Variants in RNF123 observed in about 807,000 individuals in gnomAD.
RNF123 encodes the protein ring finger protein 123.
Under a neutral mutation model 168.5 loss-of-function variants are expected in RNF123, and 86 were observed. The ratio of observed to expected loss-of-function variants is 0.51; its 90% CI spans 0.43 to 0.61. The LOEUF (loss-of-function observed/expected upper bound fraction) is 0.61, where lower values mean the gene tolerates loss of function less well. RNF123 is among the 20% of genes least tolerant of loss of function. The probability of loss-of-function intolerance (pLI) is 0.00; values close to 1 mark genes in which losing one functional copy is unlikely to be tolerated. For synonymous variants in RNF123, 666 were observed against 689.1 expected (o/e 0.97, Z 0.52); for missense variants, 1,419 against 1,729.7 (o/e 0.82, Z 3.19).
In RNF123 at chr3:49,721,009, C is replaced by T; in HGVS notation, c.3739-11C>T. 6.2e-7 allele frequency: 1 copy of T among 1,610,240 alleles called. No homozygotes were observed. The highest frequency in any genetic ancestry group is 8.5e-7 in the Non-Finnish European group (1 of 1,177,248). On this transcript the variant is annotated splice_polypyrimidine_tract_variant and intron_variant, in intron 37 of 38. Transcript: ENST00000327697. ...CCAACTCCAGCCCACCCTTCACTCT[C>T]CTCCCTGCAGCCCACCAGTGAGGAG...
In RNF123 at chr3:49,715,592, C is replaced by T; in HGVS notation, c.3028C>T (p.Leu1010=). ...PSLQKPCPST[L]LQQHMADLLQ... The stretch of plus-strand genomic sequence containing the variant: ...CCCTGCAGAGCCCTGCCCTTCCACC[C>T]TGCTGCAGCAGCACATGGCGGACCT... The change falls in exon 32 of 39, where the codon CTG becomes TTG. Residue 1010 remains leucine, a synonymous_variant. Transcript: ENST00000327697. The T allele has an allele frequency of 2.5e-6, 4 of 1,614,042 alleles. No individual in the cohort carries two copies. Among genetic ancestry groups the T allele is most frequent in the Non-Finnish European group, 3.4e-6 (4 of 1,179,940 alleles).
chr3:49,721,346 C>G lies in RNF123; in HGVS notation c.*41C>G, dbSNP rs758714142. On this transcript the variant is annotated 3_prime_UTR_variant, in exon 39 of 39. Coordinates refer to ENST00000327697, the MANE Select transcript of RNF123 (RefSeq NM_022064.5). The stretch of plus-strand genomic sequence containing the variant: ...CCATCCTGGAACCTCCACCTTTGAA[C>G]CCAGAGCCAGGCTGGGCCCTATTTA... 1 of 1,613,978 alleles carries G rather than the reference C, an allele frequency of 6.2e-7. No individual in the cohort carries two copies. The highest frequency in any genetic ancestry group is 1.1e-5 in the South Asian group (1 of 91,058).
intron 1 of RNF123, 51 bp from the exon 2 acceptor site, chr3:49,691,079 T>A (rs2054151355): frequency 1.7e-6 from 2 of 1,191,112 alleles, no homozygotes; most frequent in African/African-American, 3.0e-5. Flanking sequence ...TGAGGTCAGG[T>A]GTGGGGGCCC....
chr3:49,699,678 T>C lies in RNF123; in HGVS notation c.890T>C (p.Leu297Pro), dbSNP rs2108181749. Reference sequence around the variant, plus strand: ...TCCCCCTCCACACAGGAGGGGCGGCTGTTGGACAAGGAGAGCTCCAAGTGG... The same window carrying C: ...TCCCCCTCCACACAGGAGGGGCGGCCGTTGGACAAGGAGAGCTCCAAGTGG... The part of the protein sequence containing the change: ...SVELDPVEGR[L>P]LDKESSKWRL... Residue 297 changes from leucine (L) to proline (P), a missense_variant, in exon 12 of 39, where the codon CTG (leucine) becomes CCG (proline). Physicochemically the swap from Leu to Pro is moderately conservative, Grantham distance 98. This residue lies in a region of RNF123 where 318 missense variants were observed against 446.6 expected (regional missense o/e 0.71). Transcript: ENST00000327697. This position sits in a 1 kb window ranked among gnomAD's most constrained non-coding sequence, Gnocchi z 4.8. 1 of 1,613,818 alleles carries C rather than the reference T, an allele frequency of 6.2e-7. No individual in the cohort carries two copies. Among genetic ancestry groups the C allele is most frequent in the Non-Finnish European group, 8.5e-7 (1 of 1,179,962 alleles).
rs762105565 is a variant in RNF123, at chr3:49,700,251, G to A, written c.1009G>A (p.Val337Met). Residue 337 changes from valine (V) to methionine (M), a missense_variant, in exon 13 of 39, where the codon GTG (valine) becomes ATG (methionine). Val to Met is a conservative substitution (Grantham distance 21). Transcript: ENST00000327697. ...GCGCAAGGTGTATCTGGTGGAGGCT[G>A]TGCTCATGAGCTTCTTGCTGGGCAT... ...LLRKVYLVEA[V>M]LMSFLLGIVE... 4.2e-5 allele frequency: 67 copies of A among 1,614,098 alleles called. No homozygotes were observed. The highest frequency in any genetic ancestry group is 5.3e-5 in the Non-Finnish European group (62 of 1,180,044).
Position 49,715,836 on chromosome 3 carries a change from T to C in RNF123, c.3165T>C (p.Ala1055=). ...TGGTGGCTCAGATCCAGCAGGCTGC[T>C]GAGCGCCTGGAGCGGAACTTTGTGG... ...IGMIQEIQQA[A]ERLERNFVDS... The change falls in exon 33 of 39, where the codon GCT becomes GCC. Residue 1055 remains alanine (A), a synonymous_variant. Transcript: ENST00000327697. 6.2e-7 allele frequency: 1 copy of C among 1,614,116 alleles called. No individual in the cohort carries two copies. Among genetic ancestry groups the C allele is most frequent in the South Asian group, 1.1e-5 (1 of 91,084 alleles).
At position 49,699,058 on chromosome 3, in the gene RNF123, C is replaced by G. The variant is rs2054324199; in HGVS notation, c.717C>G (p.Leu239=). Reference sequence around the variant, plus strand: ...TGGCCTACTTCCCAGCCATCAGCCTCTCTTTCAAGGAGTCCGTGGCCTTCA... The same window carrying G: ...TGGCCTACTTCCCAGCCATCAGCCTGTCTTTCAAGGAGTCCGTGGCCTTCA... The part of the protein sequence containing the change: ...LGMAYFPAIS[L]SFKESVAFNF... Residue 239 remains leucine, a synonymous_variant, in exon 10 of 39, where the codon CTC becomes CTG. Coordinates refer to ENST00000327697, the MANE Select transcript of RNF123 (RefSeq NM_022064.5). This position sits in a 1 kb window ranked among gnomAD's most constrained non-coding sequence, Gnocchi z 4.8. 1 of 1,613,932 alleles carries G rather than the reference C, an allele frequency of 6.2e-7. No individual in the cohort carries two copies. The highest frequency in any genetic ancestry group is 8.5e-7 in the Non-Finnish European group (1 of 1,180,040).
chr3:49,697,116 C>T (rs758328933), intron 3 of RNF123, 27 bp from the exon 4 acceptor site: 6 of 1,591,102 alleles, frequency 3.8e-6, no homozygotes, highest in Non-Finnish European at 5.2e-6. Context: ...GACTTGTGGA[C>T]CCCTGGCAGC....
chr3:49,719,125 A>T, intron 35 of RNF123: 1 of 1,613,550 alleles, frequency 6.2e-7, no homozygotes, highest in Non-Finnish European at 8.5e-7. Flanking sequence ...TGATAGATCG[A>T]GCAGCCTCAG....
chr3:49,692,395 A>G (rs2054185007), intron 3 of RNF123, among the ~76,000 whole-genome samples: 1 of 152,188 alleles, frequency 6.6e-6, no homozygotes, highest in Non-Finnish European at 1.5e-5. Context: ...AGGGTACATG[A>G]GATACTTTGA....
At position 49,713,874 on chromosome 3, in the gene RNF123, A is replaced by AG. The variant is rs748323104; in HGVS notation, c.2838-35dup. Reference sequence around the variant, plus strand: ...CACCCTGGCCACAAGCACCATGCCCAGCCTCACCCCGTCTCTCCCCTCCTT... The same window carrying AG: ...CACCCTGGCCACAAGCACCATGCCCAGGCCTCACCCCGTCTCTCCCCTCCTT... On this transcript the variant is annotated intron_variant, in intron 29 of 38. Coordinates refer to ENST00000327697, the MANE Select transcript of RNF123 (RefSeq NM_022064.5). 4 of 1,613,118 alleles carry AG rather than the reference A, an allele frequency of 2.5e-6. No homozygotes were observed. In the African/African-American group the frequency reaches 4.0e-5, roughly 16 times the overall value.
intron 26 of RNF123, among the ~76,000 whole-genome samples, chr3:49,707,157 C>T (rs576895855): frequency 7.0e-4 from 107 of 152,262 alleles, no homozygotes; most frequent in African/African-American, 2.5e-3. Flanking sequence ...CTGTCTGCCT[C>T]CCCTGCTCCC....
At chr3:49,711,921 C>A (rs1435961049) in intron 26 of RNF123, among the ~76,000 whole-genome samples, 1 of 152,112 alleles carries the variant, frequency 6.6e-6, no homozygotes, top group Non-Finnish European at 1.5e-5. Context: ...CCTTCACACA[C>A]CTTGTACTCC....
intron 12 of RNF123, 160 bp from the exon 13 acceptor site, chr3:49,700,066 TG>T: frequency 2.0e-6 from 2 of 1,004,606 alleles, no homozygotes; most frequent in Non-Finnish European, 2.9e-6. Flanking sequence ...ATGGCCTTCT[TG>T]TCCCTCAGTC....
intron 27 of RNF123, 103 bp downstream of exon 27, chr3:49,712,759 G>T (rs752079112): frequency 2.3e-5 from 30 of 1,316,732 alleles, no homozygotes; most frequent in Non-Finnish European, 2.9e-5. Flanking sequence ...ACACACTTCT[G>T]TGGGGGGCGG....
At chr3:49,717,427 G>T (rs1054772343) in intron 35 of RNF123, 1 of 167,602 alleles carries the variant, frequency 6.0e-6, no homozygotes, top group African/African-American at 2.4e-5. Context: ...GTGTGGGCGA[G>T]ATCTTCCTTC....
rs746737225 is a variant in RNF123, at chr3:49,706,862, C to T, written c.2460C>T (p.Arg820=). 2.5e-6 allele frequency: 4 copies of T among 1,614,196 alleles called. No individual in the cohort carries two copies. The Admixed American group carries it at 6.7e-5, about 27-fold the overall frequency. Residue 820 remains arginine (R), a synonymous_variant, in exon 26 of 39, where the codon CGC becomes CGT. Coordinates refer to ENST00000327697, the MANE Select transcript of RNF123 (RefSeq NM_022064.5). ...CAGAAAAGCTGGACCACCTGAGCCG[C>T]CGTCTTGCCTGGGTCCATGCCACTG... ...VFSEKLDHLS[R]RLAWVHATVY... is the part of the protein sequence containing the mutation.
intron 3 of RNF123, among the ~76,000 whole-genome samples, chr3:49,696,617 A>G (rs368324283): frequency 2.0e-5 from 3 of 148,482 alleles, no homozygotes; most frequent in South Asian, 2.1e-4. Context: ...GATTACAGGC[A>G]TGAGCCACCG....
chr3:49,719,778 C>A (rs2080352587), intron 35 of RNF123: 1 of 315,420 alleles, frequency 3.2e-6, no homozygotes, highest in Non-Finnish European at 6.2e-6. Flanking sequence ...GCGGCTACAT[C>A]CCTTTGTGCC....
Sources: allele counts gnomAD v4.1 joint callset (sites outside exome capture counted in the v4.1 genomes callset), GRCh38; gene constraint gnomAD v4.1.1; regional missense constraint gnomAD v4.1.1; non-coding constraint Gnocchi (gnomAD v3.1); transcripts MANE v1.5; gene names NCBI Gene and HGNC (gene_info 2026-07-23, HGNC 2026-07-21).